SOX5: variants seen among roughly 807,000 people sequenced by gnomAD.
SOX5 encodes transcription factor SOX-5.
In SOX5, 9 loss-of-function variants were observed where a neutral mutation model predicts 92.0. The ratio of observed to expected loss-of-function variants is 0.10; its 90% CI spans 0.06 to 0.17. The LOEUF is 0.17. SOX5 is among the 10% of genes least tolerant of loss of function. SOX5 has a pLI of 1.00. For missense variants in SOX5, 642 were observed against 944.5 expected, an observed-to-expected ratio of 0.68 and a Z score of 4.20; for synonymous variants, 344 against 336.3, an observed-to-expected ratio of 1.02 and a Z score of -0.25.
intron 1 of SOX5, among the ~76,000 whole-genome samples, chr12:23,903,202 C>T (rs1481168243): frequency 6.6e-6 from 1 of 152,110 alleles, no homozygotes; most frequent in East Asian, 1.9e-4. Flanking sequence ...ATGAGTGCTA[C>T]AGGAGATAGA....
intron 1 of SOX5, among the ~76,000 whole-genome samples, chr12:23,897,862 T>C (rs1260626753): frequency 6.6e-6 from 1 of 152,162 alleles, no homozygotes; most frequent in Non-Finnish European, 1.5e-5. Flanking sequence ...ATGTCAGCAT[T>C]GTCTAAAGGA....
intron 4 of SOX5, among the ~76,000 whole-genome samples, chr12:23,750,302 G>A (rs113535340): frequency 0.018 from 2,794 of 151,918 alleles, 86 homozygotes; most frequent in African/African-American, 0.063. Context: ...AGATGTTTAC[G>A]CAGTGCCTGT....
intron 1 of SOX5, among the ~76,000 whole-genome samples, chr12:24,464,070 C>A (rs1943945127): frequency 6.6e-6 from 1 of 152,134 alleles, no homozygotes; most frequent in Non-Finnish European, 1.5e-5. Context: ...TTAGGGACTA[C>A]TCTAGATAGG....
chr12:23,856,811 AAG>A (rs909131909), intron 2 of SOX5, among the ~76,000 whole-genome samples: 1 of 152,144 alleles, frequency 6.6e-6, no homozygotes, highest in Admixed American at 6.5e-5. Flanking sequence ...AAGTTTAGAG[AAG>A]AGAGAATGCT....
intron 4 of SOX5, among the ~76,000 whole-genome samples, chr12:24,122,336 G>C (rs1049787195): frequency 6.6e-6 from 1 of 152,200 alleles, no homozygotes; most frequent in Non-Finnish European, 1.5e-5. Flanking sequence ...GACCAGCTGA[G>C]AGCAAAGATC....
chr12:24,530,995 T>G (rs1041642096), intron 1 of SOX5, among the ~76,000 whole-genome samples: 5 of 152,192 alleles, frequency 3.3e-5, no homozygotes, highest in Non-Finnish European at 7.4e-5. Flanking sequence ...TATGGCCTTT[T>G]AAAATTTATG....
intron 7 of SOX5, among the ~76,000 whole-genome samples, chr12:23,642,420 G>C (rs2080198617): frequency 6.6e-6 from 1 of 152,172 alleles, no homozygotes; most frequent in African/African-American, 2.4e-5. Context: ...ATATGTTAAA[G>C]ACAGCCTCCA....
At chr12:23,972,410 T>G (rs1948445148) in intron 4 of SOX5, among the ~76,000 whole-genome samples, 1 of 152,180 alleles carries the variant, frequency 6.6e-6, no homozygotes, top group South Asian at 2.1e-4. Flanking sequence ...CAGGCTGGAG[T>G]GCAGTGGTGC....
intron 2 of SOX5, among the ~76,000 whole-genome samples, chr12:24,343,589 A>ATGTCTT (rs1264604325): frequency 6.6e-6 from 1 of 152,112 alleles, no homozygotes; most frequent in African/African-American, 2.4e-5. Flanking sequence ...ACGCAGTCTT[A>ATGTCTT]TGTCTTTAAT....
intron 3 of SOX5, among the ~76,000 whole-genome samples, chr12:23,802,360 G>A (rs556007404): frequency 2.3e-3 from 345 of 152,266 alleles, no homozygotes; most frequent in Non-Finnish European, 3.6e-3. Context: ...GATTATAGGC[G>A]TCAGCCACTG....
chr12:24,232,111 T>G (rs1380021981), intron 3 of SOX5, among the ~76,000 whole-genome samples: 4 of 152,162 alleles, frequency 2.6e-5, no homozygotes, highest in Non-Finnish European at 2.9e-5. Flanking sequence ...GTTTTTTCTT[T>G]TTTTTCCCTG....
At chr12:24,539,055 T>C (rs1394239413) in intron 1 of SOX5, among the ~76,000 whole-genome samples, 2 of 152,152 alleles carry the variant, frequency 1.3e-5, no homozygotes, top group Admixed American at 6.5e-5. Context: ...ACTAAAGGTA[T>C]AGTGCATGTT....
At chr12:24,128,806 G>A (rs1949363304) in intron 4 of SOX5, among the ~76,000 whole-genome samples, 1 of 152,166 alleles carries the variant, frequency 6.6e-6, no homozygotes. Flanking sequence ...TAATCTGATT[G>A]ATATCGTCCT....
At chr12:23,776,903 C>A (rs1392446236) in intron 3 of SOX5, among the ~76,000 whole-genome samples, 1 of 152,118 alleles carries the variant, frequency 6.6e-6, no homozygotes, top group South Asian at 2.1e-4. Context: ...GGGTTGGGGA[C>A]CCCTGATCTA....
intron 1 of SOX5, among the ~76,000 whole-genome samples, chr12:24,523,445 A>G: frequency 6.6e-6 from 1 of 152,198 alleles, no homozygotes; most frequent in East Asian, 1.9e-4. Context: ...ATTGTGAGAA[A>G]AAAAGAACAA....
intron 6 of SOX5, among the ~76,000 whole-genome samples, chr12:23,705,764 G>A (rs1379414731): frequency 6.6e-6 from 1 of 151,922 alleles, no homozygotes; most frequent in Non-Finnish European, 1.5e-5. Flanking sequence ...CCAATAAAAG[G>A]GGGTTCTACA....
intron 9 of SOX5, among the ~76,000 whole-genome samples, chr12:23,592,154 G>A (rs189494098): frequency 3.0e-4 from 45 of 152,206 alleles, no homozygotes; most frequent in Admixed American, 1.9e-3. Context: ...TTGCGGTTTC[G>A]TGAAAATGTG....
intron 10 of SOX5, among the ~76,000 whole-genome samples, chr12:23,570,457 T>A (rs1947964532): frequency 6.6e-6 from 1 of 152,146 alleles, no homozygotes; most frequent in Admixed American, 6.5e-5. Flanking sequence ...AACAAGGTTT[T>A]TCTCATTAAA....
intron 3 of SOX5, among the ~76,000 whole-genome samples, chr12:23,779,243 C>G (rs896787147): frequency 1.3e-5 from 2 of 151,898 alleles, no homozygotes; most frequent in Admixed American, 6.6e-5. Flanking sequence ...TATGACACTT[C>G]AGGCACAATA....
Sources: allele counts gnomAD v4.1 joint callset (sites outside exome capture counted in the v4.1 genomes callset), GRCh38; gene constraint gnomAD v4.1.1; transcripts MANE v1.5; gene names NCBI Gene and HGNC (gene_info 2026-07-23, HGNC 2026-07-21).